Variants in ROBO2 observed in about 807,000 individuals in gnomAD.
The protein encoded by ROBO2 is roundabout guidance receptor 2.
In ROBO2, 53 loss-of-function variants were observed where a neutral mutation model predicts 160.8. The observed-to-expected ratio is 0.33, with a 90% CI of 0.26 to 0.41. The LOEUF (loss-of-function observed/expected upper bound fraction) is 0.41. Ranked by LOEUF, ROBO2 falls within the 10% of genes least tolerant of loss-of-function variation. The pLI, the probability that ROBO2 is intolerant of heterozygous loss-of-function variation, is 1.00. For synonymous variants in ROBO2, 664 were observed against 611.7 expected, an observed-to-expected ratio of 1.09 and a Z score of -1.26; for missense variants, 1,577 against 1,722.4, an observed-to-expected ratio of 0.92 and a Z score of 1.49.
At chr3:77,194,376 A>G (rs2082135205) in intron 2 of ROBO2, among the ~76,000 whole-genome samples, 1 of 152,148 alleles carries the variant, frequency 6.6e-6, no homozygotes, top group African/African-American at 2.4e-5. Context: ...GCTATTAGTT[A>G]CCTTTGGCAG....
intron 2 of ROBO2, among the ~76,000 whole-genome samples, chr3:77,260,578 A>T (rs1232334756): frequency 6.6e-6 from 1 of 152,128 alleles, no homozygotes; most frequent in Non-Finnish European, 1.5e-5. Flanking sequence ...TTCTAAAGGA[A>T]CTAATGCAAC....
At chr3:77,451,740 C>T (rs1405230767) in intron 2 of ROBO2, among the ~76,000 whole-genome samples, 1 of 150,906 alleles carries the variant, frequency 6.6e-6, no homozygotes, top group Non-Finnish European at 1.5e-5. Flanking sequence ...TGATTCTTTT[C>T]AATCATTCTG....
intron 2 of ROBO2, among the ~76,000 whole-genome samples, chr3:77,166,724 A>AT (rs559669191): frequency 0.081 from 12,186 of 151,080 alleles, 986 homozygotes; most frequent in African/African-American, 0.21. Flanking sequence ...CTCCCGGCTA[A>AT]TTTTTTTTTG....
intron 2 of ROBO2, among the ~76,000 whole-genome samples, chr3:76,831,214 TC>T (rs2067066516): frequency 6.6e-6 from 1 of 152,126 alleles, no homozygotes; most frequent in African/African-American, 2.4e-5. Context: ...TCCTGATGGG[TC>T]CATACGAGTT....
At chr3:76,579,862 TTAA>T (rs2085546488) in intron 2 of ROBO2, among the ~76,000 whole-genome samples, 1 of 151,984 alleles carries the variant, frequency 6.6e-6, no homozygotes, top group Non-Finnish European at 1.5e-5. Context: ...ACCACCTGCC[TTAA>T]TCAGCCAGTA....
At chr3:75,977,966 T>A (rs1401237364) in intron 2 of ROBO2, among the ~76,000 whole-genome samples, 1 of 151,536 alleles carries the variant, frequency 6.6e-6, no homozygotes, top group Admixed American at 6.6e-5. Flanking sequence ...AATGGAAAGA[T>A]GTTATAATGT....
At chr3:76,113,566 T>G (rs1457624903) in intron 2 of ROBO2, among the ~76,000 whole-genome samples, 1 of 152,078 alleles carries the variant, frequency 6.6e-6, no homozygotes, top group Non-Finnish European at 1.5e-5. Flanking sequence ...ATTAATATAT[T>G]GAGTCATAGG....
intron 2 of ROBO2, among the ~76,000 whole-genome samples, chr3:77,293,569 A>G (rs1474682801): frequency 1.4e-5 from 2 of 146,766 alleles, no homozygotes; most frequent in East Asian, 2.0e-4. Flanking sequence ...AGTAAAATTG[A>G]CGGGTAAACG....
chr3:76,678,794 T>C (rs1024848187), intron 2 of ROBO2, among the ~76,000 whole-genome samples: 2 of 152,162 alleles, frequency 1.3e-5, no homozygotes, highest in Admixed American at 6.5e-5. Context: ...TCAATTTCTC[T>C]GTGCATTAGT....
intron 2 of ROBO2, among the ~76,000 whole-genome samples, chr3:76,758,188 T>C (rs1292771775): frequency 1.3e-5 from 2 of 151,768 alleles, no homozygotes; most frequent in Non-Finnish European, 2.9e-5. Flanking sequence ...GGAAAATAGG[T>C]AATTTTGTTC....
intron 2 of ROBO2, among the ~76,000 whole-genome samples, chr3:76,192,418 A>G (rs932188756): frequency 8.6e-5 from 13 of 152,032 alleles, no homozygotes; most frequent in African/African-American, 3.1e-4. Flanking sequence ...AAATAAAAAT[A>G]AAATCTCCTT....
intron 1 of ROBO2, among the ~76,000 whole-genome samples, chr3:77,049,055 G>A (rs143707464): frequency 7.1e-4 from 108 of 152,262 alleles, no homozygotes; most frequent in African/African-American, 2.1e-3. Context: ...TGGGCTCGGC[G>A]CAGTGGCTCA....
chr3:77,033,681 C>T (rs2063459802), intron 2 of ROBO2, among the ~76,000 whole-genome samples: 2 of 151,896 alleles, frequency 1.3e-5, no homozygotes, highest in Non-Finnish European at 2.9e-5. Flanking sequence ...AATATTTGCT[C>T]AAAGGCTGAA....
intron 2 of ROBO2, among the ~76,000 whole-genome samples, chr3:76,765,389 T>A (rs1375711992): frequency 6.6e-6 from 1 of 151,576 alleles, no homozygotes; most frequent in Non-Finnish European, 1.5e-5. Context: ...CAGAGTGTGG[T>A]GGTTTTTGAA....
chr3:77,354,117 C>T (rs1043415119), intron 2 of ROBO2, among the ~76,000 whole-genome samples: 2 of 152,178 alleles, frequency 1.3e-5, no homozygotes. Flanking sequence ...ATGTTGTTCT[C>T]TGCCTTGCCA....
intron 2 of ROBO2, among the ~76,000 whole-genome samples, chr3:76,448,224 A>G (rs80183899): frequency 0.017 from 2,619 of 152,196 alleles, 64 homozygotes; most frequent in African/African-American, 0.054. Context: ...TGAATATGTA[A>G]GGTAGCAAAT....
intron 2 of ROBO2, among the ~76,000 whole-genome samples, chr3:77,310,317 A>C (rs2063436306): frequency 6.6e-6 from 1 of 152,196 alleles, no homozygotes; most frequent in African/African-American, 2.4e-5. Flanking sequence ...CTACACCTTC[A>C]AATTGAATGT....
At chr3:77,036,728 C>T (rs1306006613), upstream of ROBO2, among the ~76,000 whole-genome samples, 1 of 151,930 alleles carries the variant, frequency 6.6e-6, no homozygotes, top group Non-Finnish European at 1.5e-5. Flanking sequence ...AAGAAAAAAA[C>T]AATTTATATT....
At chr3:76,827,121 G>A (rs2066660145) in intron 2 of ROBO2, among the ~76,000 whole-genome samples, 1 of 152,060 alleles carries the variant, frequency 6.6e-6, no homozygotes, top group Non-Finnish European at 1.5e-5. Context: ...GAAATTTTGT[G>A]GGAGTAAATC....
Sources: allele counts gnomAD v4.1 joint callset (sites outside exome capture counted in the v4.1 genomes callset), GRCh38; gene constraint gnomAD v4.1.1; transcripts MANE v1.5; gene names NCBI Gene and HGNC (gene_info 2026-07-23, HGNC 2026-07-21).